The following MSI2 variants were observed in gnomAD, a reference collection of about 807,000 sequenced individuals.
The protein encoded by MSI2 is RNA-binding protein Musashi homolog 2.
MSI2 carries 17 observed loss-of-function variants against 45.6 expected under a neutral mutation model. The observed-to-expected ratio is 0.37, with a 90% CI of 0.26 to 0.56. MSI2 has a LOEUF of 0.56. MSI2 is among the 20% of genes least tolerant of loss of function. The pLI, the probability that MSI2 is intolerant of heterozygous loss-of-function variation, is 0.77. For missense variants in MSI2, 293 were observed against 444.2 expected, an observed-to-expected ratio of 0.66 and a Z score of 3.06; for synonymous variants, 156 against 158.2, an observed-to-expected ratio of 0.99 and a Z score of 0.11.
chr17:57,393,232 C>T (rs1286189044), intron 5 of MSI2, among the ~76,000 whole-genome samples: 2 of 152,148 alleles, frequency 1.3e-5, no homozygotes, highest in African/African-American at 4.8e-5. Context: ...GGGAAATGCT[C>T]GTTGGAGCAT....
chr17:57,332,259 T>G (rs1262761898), intron 5 of MSI2, among the ~76,000 whole-genome samples: 5 of 152,112 alleles, frequency 3.3e-5, no homozygotes, highest in Non-Finnish European at 7.4e-5. Flanking sequence ...TGCCACCACA[T>G]CTGGCTAATT....
At chr17:57,531,333 T>C (rs2086817626) in intron 7 of MSI2, among the ~76,000 whole-genome samples, 1 of 152,228 alleles carries the variant, frequency 6.6e-6, no homozygotes, top group African/African-American at 2.4e-5. Context: ...GAGAGTGTAA[T>C]GCCAAGCATC....
intron 6 of MSI2, among the ~76,000 whole-genome samples, chr17:57,447,590 G>T (rs558646350): frequency 5.1e-5 from 6 of 118,730 alleles, no homozygotes; most frequent in East Asian, 3.2e-4. Flanking sequence ...TGGCATGGGT[G>T]GGGGGGGTGT....
intron 7 of MSI2, among the ~76,000 whole-genome samples, chr17:57,557,206 G>A (rs946562928): frequency 2.0e-5 from 3 of 152,206 alleles, no homozygotes; most frequent in East Asian, 1.9e-4. Context: ...GGGGCAGGCC[G>A]CCTGCATGAG....
At chr17:57,394,252 G>A (rs1396973699) in intron 5 of MSI2, among the ~76,000 whole-genome samples, 1 of 152,182 alleles carries the variant, frequency 6.6e-6, no homozygotes. Context: ...AGGTGTTAGA[G>A]CAGTGAATAG....
chr17:57,420,481 G>A (rs1425255582), intron 6 of MSI2, among the ~76,000 whole-genome samples: 1 of 152,222 alleles, frequency 6.6e-6, no homozygotes, highest in African/African-American at 2.4e-5. Flanking sequence ...CCATAGCCAT[G>A]TTTCAAATTT....
intron 5 of MSI2, among the ~76,000 whole-genome samples, chr17:57,376,685 G>T (rs188755821): frequency 1.3e-5 from 2 of 152,320 alleles, no homozygotes; most frequent in African/African-American, 4.8e-5. Flanking sequence ...TTCTGTTTAT[G>T]AGCAGCTGAT....
intron 5 of MSI2, among the ~76,000 whole-genome samples, chr17:57,291,112 C>G (rs980364821): frequency 2.0e-5 from 3 of 152,198 alleles, no homozygotes; most frequent in African/African-American, 7.2e-5. Flanking sequence ...ATACTCAATT[C>G]TGCCGGCGAG....
In MSI2 at chr17:57,257,528, C is replaced by A; in HGVS notation, c.166C>A (p.Pro56Thr). The A allele has an allele frequency of 6.3e-7, 1 of 1,596,188 alleles. No individual in the cohort carries two copies. The highest frequency in any genetic ancestry group is 8.6e-7 in the Non-Finnish European group (1 of 1,166,542). ...EIRECMVMRDPTTKRSRGFGF... is the reference protein window; with the variant it reads ...EIRECMVMRDTTTKRSRGFGF... ...TAGAGAATGTATGGTCATGAGAGAT[C>A]CCACTACGAAACGCTCCAGGTAAAC... The change falls in exon 3 of 14, where the codon CCC (proline) becomes ACC (threonine). Residue 56 changes from proline (P) to threonine (T), a missense_variant. Pro to Thr is a conservative substitution (Grantham distance 38, BLOSUM62 -1). Coordinates refer to ENST00000284073, the MANE Select transcript of MSI2 (RefSeq NM_138962.4).
intron 6 of MSI2, among the ~76,000 whole-genome samples, chr17:57,509,455 T>C (rs911973496): frequency 3.9e-5 from 6 of 152,132 alleles, no homozygotes; most frequent in Non-Finnish European, 8.8e-5. Flanking sequence ...AGTTTCACTC[T>C]TGTCGCCCAG....
At chr17:57,583,965 A>G (rs752473014) in intron 7 of MSI2, among the ~76,000 whole-genome samples, 1 of 152,172 alleles carries the variant, frequency 6.6e-6, no homozygotes, top group African/African-American at 2.4e-5. Context: ...TTACATTTTA[A>G]TTTGCATAAA....
At chr17:57,349,495 A>G (rs913923346) in intron 5 of MSI2, among the ~76,000 whole-genome samples, 1 of 152,212 alleles carries the variant, frequency 6.6e-6, no homozygotes, top group Non-Finnish European at 1.5e-5. Flanking sequence ...GACAGTGATT[A>G]AAGAAATATA....
chr17:57,669,838 G>A (rs566942534), intron 11 of MSI2, among the ~76,000 whole-genome samples: 14 of 152,284 alleles, frequency 9.2e-5, no homozygotes, highest in Non-Finnish European at 1.8e-4. Flanking sequence ...CGAGCCACAC[G>A]CACAGGCTGG....
At chr17:57,443,311 G>A (rs995768418) in intron 6 of MSI2, among the ~76,000 whole-genome samples, 3 of 152,168 alleles carry the variant, frequency 2.0e-5, no homozygotes, top group Admixed American at 1.3e-4. Context: ...AGAGTCTTGG[G>A]CGCGTCTCCT....
At chr17:57,488,300 C>T (rs1362783688) in intron 6 of MSI2, among the ~76,000 whole-genome samples, 3 of 152,188 alleles carry the variant, frequency 2.0e-5, no homozygotes, top group South Asian at 2.1e-4. Context: ...GCAGCATCTG[C>T]GGAAGCTTGC....
intron 5 of MSI2, among the ~76,000 whole-genome samples, chr17:57,301,763 G>A (rs1772854490): frequency 7.0e-6 from 1 of 143,680 alleles, no homozygotes; most frequent in South Asian, 2.4e-4. Context: ...AAACCGTGCT[G>A]CAGCGAATAT....
intron 6 of MSI2, among the ~76,000 whole-genome samples, chr17:57,461,490 C>T (rs901266671): frequency 1.9e-4 from 29 of 150,694 alleles, no homozygotes; most frequent in Admixed American, 9.9e-4. Flanking sequence ...TTCTGGGGCC[C>T]GGGCTGCTGT....
chr17:57,442,976 C>T (rs1370733651), intron 6 of MSI2, among the ~76,000 whole-genome samples: 1 of 152,226 alleles, frequency 6.6e-6, no homozygotes, highest in African/African-American at 2.4e-5. Context: ...TTAGGGGTTA[C>T]TTCCCACCTG....
intron 5 of MSI2, among the ~76,000 whole-genome samples, chr17:57,372,266 C>G (rs2083432162): frequency 6.6e-6 from 1 of 152,196 alleles, no homozygotes; most frequent in Admixed American, 6.5e-5. Context: ...CTTCAACACA[C>G]TGACCTACCC....
Sources: gnomAD v4.1 joint callset for allele counts (sites outside exome capture counted in the v4.1 genomes callset) on GRCh38, gnomAD v4.1.1 for gene constraint, MANE v1.5 for transcripts, NCBI Gene and HGNC (gene_info 2026-07-23, HGNC 2026-07-21) for gene names.